KHDRBS2: variants seen among roughly 807,000 people sequenced by gnomAD.
KHDRBS2 encodes the protein KH RNA binding domain containing, signal transduction associated 2, also known as KH domain-containing, RNA-binding, signal transduction-associated protein 2.
KHDRBS2 carries 26 observed loss-of-function variants against 44.3 expected under a neutral mutation model. The ratio of observed to expected loss-of-function variants is 0.59; its 90% CI spans 0.43 to 0.81. The LOEUF is 0.81. KHDRBS2 is among the 40% of genes least tolerant of loss of function. The probability of loss-of-function intolerance (pLI) is 0.00; values close to 1 mark genes in which losing one functional copy is unlikely to be tolerated. For synonymous variants in KHDRBS2, 194 were observed against 151.1 expected (o/e 1.28, Z -2.08); for missense variants, 476 against 433.1 (o/e 1.10, Z -0.88).
chr6:62,220,352 A>C (rs969839243), intron 1 of KHDRBS2, among the ~76,000 whole-genome samples: 1 of 151,978 alleles, frequency 6.6e-6, no homozygotes, highest in African/African-American at 2.4e-5. Flanking sequence ...ATGAAATAGT[A>C]GCTACATGAG....
intron 6 of KHDRBS2, among the ~76,000 whole-genome samples, chr6:61,791,360 C>T (rs990477057): frequency 5.3e-5 from 8 of 151,216 alleles, no homozygotes; most frequent in African/African-American, 1.9e-4. Flanking sequence ...ATGTTCTTTA[C>T]TAATATGTGC....
intron 2 of KHDRBS2, among the ~76,000 whole-genome samples, chr6:62,089,639 G>A (rs1457133827): frequency 3.9e-5 from 6 of 152,150 alleles, no homozygotes; most frequent in Admixed American, 6.5e-5. Context: ...CATTGGTCTC[G>A]CTGGGAGCTG....
intron 6 of KHDRBS2, among the ~76,000 whole-genome samples, chr6:61,782,548 G>T (rs960644844): frequency 6.6e-6 from 1 of 151,416 alleles, no homozygotes; most frequent in Non-Finnish European, 1.5e-5. Context: ...CTATTCAAAA[G>T]ATTTTTATAG....
intron 6 of KHDRBS2, among the ~76,000 whole-genome samples, chr6:61,862,951 G>A (rs1269390110): frequency 7.9e-5 from 12 of 151,962 alleles, no homozygotes; most frequent in Non-Finnish European, 1.5e-4. Flanking sequence ...ATTTATCACT[G>A]CCTCAATTTC....
intron 2 of KHDRBS2, among the ~76,000 whole-genome samples, chr6:62,164,353 CTTAGTT>C (rs1818244762): frequency 6.6e-6 from 1 of 151,762 alleles, no homozygotes; most frequent in Non-Finnish European, 1.5e-5. Context: ...CATAATAATT[CTTAGTT>C]TTAATTATTT....
chr6:61,555,223 T>C, the KHDRBS2 span, among the ~76,000 whole-genome samples: 1 of 152,194 alleles, frequency 6.6e-6, no homozygotes, highest in Non-Finnish European at 1.5e-5. Context: ...TTTTTTTCTT[T>C]ATTTGATCTT....
Position 62,212,939 on chromosome 6 carries a change from T to C in KHDRBS2, c.92-35627A>G, listed in dbSNP as rs140145262. ...ATGTACCAGGATCTGTACTAGAAAA[T>C]CACCTACTAGAAGATTTAGATATAT... On this transcript the variant is annotated intron_variant, in intron 1 of 8. Transcript: ENST00000281156. 6.3e-3 allele frequency among the ~76,000 whole-genome samples: 960 copies of C among 151,992 alleles called. 4 individuals are homozygous for C. The highest frequency in any genetic ancestry group is 8.3e-3 in the Non-Finnish European group (563 of 67,970).
At chr6:62,133,284 A>G (rs926793045) in intron 2 of KHDRBS2, among the ~76,000 whole-genome samples, 2 of 152,238 alleles carry the variant, frequency 1.3e-5, no homozygotes, top group African/African-American at 2.4e-5. Flanking sequence ...TAACTGAATC[A>G]TGGGGGCAGC....
At chr6:62,148,815 T>C (rs1814481588) in intron 2 of KHDRBS2, among the ~76,000 whole-genome samples, 2 of 152,104 alleles carry the variant, frequency 1.3e-5, no homozygotes, top group South Asian at 4.1e-4. Context: ...GAGACAAATA[T>C]ATCTGATTGT....
At chr6:61,545,914 A>G in the KHDRBS2 span, among the ~76,000 whole-genome samples, 9 of 152,068 alleles carry the variant, frequency 5.9e-5, no homozygotes, top group Admixed American at 4.6e-4. Flanking sequence ...CCAAGGGGAG[A>G]GGCCTCACCA....
chr6:62,088,537 G>A (rs1798855454), intron 2 of KHDRBS2, among the ~76,000 whole-genome samples: 1 of 152,206 alleles, frequency 6.6e-6, no homozygotes, highest in South Asian at 2.1e-4. Flanking sequence ...GGAGGCTGCA[G>A]AACAGCAAAG....
chr6:61,849,287 G>A (rs1321490733), intron 6 of KHDRBS2, among the ~76,000 whole-genome samples: 1 of 151,948 alleles, frequency 6.6e-6, no homozygotes, highest in Non-Finnish European at 1.5e-5. Flanking sequence ...TAGTTAAATA[G>A]AATTCTTGAC....
intron 7 of KHDRBS2, among the ~76,000 whole-genome samples, chr6:61,709,479 T>C (rs1176271430): frequency 1.3e-5 from 2 of 151,636 alleles, no homozygotes; most frequent in Non-Finnish European, 3.0e-5. Context: ...AAGAAGGAAA[T>C]ATATTTATAT....
At chr6:61,995,283 T>C (rs758135092) in intron 3 of KHDRBS2, among the ~76,000 whole-genome samples, 3 of 152,188 alleles carry the variant, frequency 2.0e-5, no homozygotes, top group Non-Finnish European at 4.4e-5. Context: ...TGTCAAGTGA[T>C]AAAATTGCTA....
At chr6:61,869,964 G>T (rs1463460001) in intron 6 of KHDRBS2, among the ~76,000 whole-genome samples, 3 of 109,030 alleles carry the variant, frequency 2.8e-5, no homozygotes, top group Admixed American at 1.0e-4. Flanking sequence ...CTGCAGGAGT[G>T]TTTTTTTTTT....
chr6:61,682,747 T>G (rs1371923029), intron 8 of KHDRBS2, among the ~76,000 whole-genome samples: 1 of 151,868 alleles, frequency 6.6e-6, no homozygotes. Context: ...TGATGTAATC[T>G]TTTGAGGGCA....
At chr6:62,204,124 G>A (rs987989951) in intron 1 of KHDRBS2, among the ~76,000 whole-genome samples, 6 of 152,150 alleles carry the variant, frequency 3.9e-5, no homozygotes, top group East Asian at 1.9e-4. Context: ...TGTACAGCCT[G>A]TGGAACTGTG....
chr6:61,665,411 C>T, the KHDRBS2 span, among the ~76,000 whole-genome samples: 2 of 151,170 alleles, frequency 1.3e-5, no homozygotes, highest in African/African-American at 2.4e-5. Flanking sequence ...CTCAGAAAAA[C>T]CAGGGAGAAG....
chr6:62,122,131 GCT>G (rs1807809583), intron 2 of KHDRBS2, among the ~76,000 whole-genome samples: 1 of 152,162 alleles, frequency 6.6e-6, no homozygotes, highest in Non-Finnish European at 1.5e-5. Context: ...TGCTGTGCAA[GCT>G]GCTCTGCCAC....
Sources: allele counts gnomAD v4.1 joint callset (sites outside exome capture counted in the v4.1 genomes callset), GRCh38; gene constraint gnomAD v4.1.1; transcripts MANE v1.5; gene names NCBI Gene and HGNC (gene_info 2026-07-23, HGNC 2026-07-21).